The following SFXN5 variants were observed in gnomAD, a reference collection of about 807,000 sequenced individuals.
SFXN5 encodes sideroflexin 5.
SFXN5 carries 43 observed loss-of-function variants against 50.2 expected under a neutral mutation model. That is an observed-to-expected ratio of 0.86 (90% CI 0.67 to 1.11). SFXN5 has a LOEUF of 1.11. Ranked by LOEUF, SFXN5 falls within the 50% of genes least tolerant of loss-of-function variation. The pLI is 0.00. For missense variants in SFXN5, 463 were observed against 454.1 expected (o/e 1.02, Z -0.18); for synonymous variants, 203 against 185.8 (o/e 1.09, Z -0.75).
Position 72,968,433 on chromosome 2 carries a change from G to A in SFXN5, c.827+15C>T. 3.1e-6 allele frequency: 5 copies of A among 1,606,490 alleles called. No individual in the cohort carries two copies. Among genetic ancestry groups the A allele is most frequent in the Non-Finnish European group, 4.3e-6 (5 of 1,176,168 alleles). On this transcript the variant is annotated intron_variant, in intron 12 of 13. Coordinates refer to ENST00000272433, the MANE Select transcript of SFXN5 (RefSeq NM_144579.3). ...CCCCCATGGTGGCCTCTCCATCCTGGCTGCCCCAACTCACTTCTCCAGCAT... is the reference window on the plus strand; with the variant it reads ...CCCCCATGGTGGCCTCTCCATCCTGACTGCCCCAACTCACTTCTCCAGCAT...
intron 2 of SFXN5, among the ~76,000 whole-genome samples, chr2:73,047,319 G>GTA (rs199609733): frequency 0.35 from 34,368 of 98,914 alleles, 6,745 homozygotes; most frequent in East Asian, 0.57. Context: ...GTGTGTGTAT[G>GTA]TATATATATG....
chr2:72,971,695 G>T lies in SFXN5; in HGVS notation c.626-10C>A. 1 of 1,605,316 alleles carries T rather than the reference G, an allele frequency of 6.2e-7. No individual in the cohort carries two copies. Among genetic ancestry groups the T allele is most frequent in the Non-Finnish European group, 8.5e-7 (1 of 1,172,130 alleles). On this transcript the variant is annotated splice_polypyrimidine_tract_variant and intron_variant, in intron 10 of 13. Coordinates refer to ENST00000272433, the MANE Select transcript of SFXN5 (RefSeq NM_144579.3). Reference sequence around the variant, plus strand: ...CAGATATTGGCACTGGCTGCAGAGAGAGGGGATGCAGAGAGCAGGATGAGG... The same window carrying T: ...CAGATATTGGCACTGGCTGCAGAGATAGGGGATGCAGAGAGCAGGATGAGG...
intron 5 of SFXN5, 131 bp downstream of exon 5, chr2:73,022,391 A>AGGT (rs2105835001): frequency 1.4e-6 from 1 of 718,552 alleles, no homozygotes; most frequent in Admixed American, 2.0e-5. Flanking sequence ...GTGAATGTAG[A>AGGT]GGTGCAAATA....
chr2:73,020,976 G>A (rs1299532279), intron 5 of SFXN5: 1 of 152,274 alleles, frequency 6.6e-6, no homozygotes, highest in African/African-American at 2.4e-5. Context: ...AGCGGGATCG[G>A]GCTTATCTGA....
At position 72,973,598 on chromosome 2, in the gene SFXN5, G is replaced by A. The variant is rs1670278616; in HGVS notation, c.626-1913C>T. ...ATTAGGAAGCTGAATCCAAGGTAAAGGAGATCTGGTTAGCAGGGCATGACC... is the reference window on the plus strand; with the variant it reads ...ATTAGGAAGCTGAATCCAAGGTAAAAGAGATCTGGTTAGCAGGGCATGACC... On this transcript the variant is annotated intron_variant, in intron 10 of 13. Coordinates refer to ENST00000272433, the MANE Select transcript of SFXN5 (RefSeq NM_144579.3). This position sits in a 1 kb window ranked among gnomAD's most constrained non-coding sequence, Gnocchi z 5.5. Among the ~76,000 whole-genome samples the A allele has an allele frequency of 6.6e-6, 1 of 152,198 alleles. No individual in the cohort carries two copies. The highest frequency in any genetic ancestry group is 1.5e-5 in the Non-Finnish European group (1 of 68,032).
At chr2:73,002,767 T>A (rs886068626) in intron 6 of SFXN5, among the ~76,000 whole-genome samples, 2 of 152,182 alleles carry the variant, frequency 1.3e-5, no homozygotes, top group African/African-American at 2.4e-5. Flanking sequence ...CAACGAGGAA[T>A]TATGAGATTT....
Position 72,971,630 on chromosome 2 carries a change from C to T in SFXN5, c.681G>A (p.Gly227=), listed in dbSNP as rs1670000739. 4 of 1,614,098 alleles carry T rather than the reference C, an allele frequency of 2.5e-6. No individual in the cohort carries two copies. The highest frequency in any genetic ancestry group is 3.4e-6 in the Non-Finnish European group (4 of 1,179,986). Residue 227 remains glycine, a synonymous_variant, in exon 11 of 14, where the codon GGG becomes GGA. Transcript: ENST00000272433. ...TGCCATCGCTGTCCAGGACATCAAT[C>T]CCTTCCTCCAGCTCCCCGTACCGCA... ...VLMRYGELEE[G]IDVLDSDGNL...
chr2:72,963,515 C>A (rs1013019210), intron 12 of SFXN5, among the ~76,000 whole-genome samples: 1 of 146,928 alleles, frequency 6.8e-6, no homozygotes, highest in Non-Finnish European at 1.5e-5. Context: ...GGCCTGAGAG[C>A]GAACACAGTA....
chr2:72,998,791 T>A, intron 9 of SFXN5, 158 bp downstream of exon 9: 1 of 716,986 alleles, frequency 1.4e-6, no homozygotes, highest in Non-Finnish European at 2.3e-6. Flanking sequence ...TGGAGCCTCT[T>A]CTCGGCTTGG....
intron 9 of SFXN5, among the ~76,000 whole-genome samples, chr2:72,989,631 A>C (rs1285886800): frequency 6.6e-6 from 1 of 152,122 alleles, no homozygotes; most frequent in Non-Finnish European, 1.5e-5. Flanking sequence ...AGGAACCAAC[A>C]AACATACGAC....
At chr2:72,959,002 TGCTCTA>T (rs1053439157) in intron 13 of SFXN5, among the ~76,000 whole-genome samples, 1 of 152,118 alleles carries the variant, frequency 6.6e-6, no homozygotes, top group Admixed American at 6.5e-5. Context: ...CCCCTCCTCC[TGCTCTA>T]AGAGCCTGGG....
intron 10 of SFXN5, among the ~76,000 whole-genome samples, chr2:72,983,994 C>T (rs1671609226): frequency 6.6e-6 from 1 of 152,226 alleles, no homozygotes; most frequent in Non-Finnish European, 1.5e-5. Context: ...TGGCAGCAAC[C>T]ATACGTCAAT....
intron 9 of SFXN5, among the ~76,000 whole-genome samples, chr2:72,995,170 A>C (rs1157426552): frequency 6.6e-6 from 1 of 152,166 alleles, no homozygotes; most frequent in Non-Finnish European, 1.5e-5. Flanking sequence ...AATGTCTCTT[A>C]CTTCCTCTCA....
intron 10 of SFXN5, among the ~76,000 whole-genome samples, chr2:72,977,242 G>A (rs1429956320): frequency 6.6e-6 from 1 of 152,190 alleles, no homozygotes; most frequent in Non-Finnish European, 1.5e-5. Flanking sequence ...CACCCTGGAT[G>A]CCCCGCCTGA....
chr2:72,944,205 G>A lies in SFXN5; in HGVS notation c.*817C>T, dbSNP rs1671699683. ...CCGAAGAGGCCAAGTGCAGGTCCAT[G>A]GTTCCTGCCAAGCACCATTCCTTCT... is the stretch of plus-strand genomic sequence containing the variant. On this transcript the variant is annotated 3_prime_UTR_variant, in exon 14 of 14. Transcript: ENST00000272433. 6.6e-6 allele frequency: 1 copy of A among 152,292 alleles called. No individual in the cohort carries two copies. The highest frequency in any genetic ancestry group is 1.5e-5 in the Non-Finnish European group (1 of 68,110). 9.4% of individuals were successfully genotyped at this position (152,292 alleles called of 1,614,324 possible).
chr2:72,982,138 G>T (rs1671385128), intron 10 of SFXN5, among the ~76,000 whole-genome samples: 1 of 152,150 alleles, frequency 6.6e-6, no homozygotes, highest in Non-Finnish European at 1.5e-5. Flanking sequence ...CTCATGCTAC[G>T]CTGGGAAATT....
At chr2:73,010,888 A>G (rs1675418061) in intron 6 of SFXN5, among the ~76,000 whole-genome samples, 1 of 152,262 alleles carries the variant, frequency 6.6e-6, no homozygotes, top group South Asian at 2.1e-4. Flanking sequence ...TTTTAGATAT[A>G]TTCAGAGGCA....
At chr2:73,018,497 C>T (rs925774674) in intron 6 of SFXN5, among the ~76,000 whole-genome samples, 4 of 152,050 alleles carry the variant, frequency 2.6e-5, no homozygotes, top group South Asian at 4.2e-4. Flanking sequence ...TATCTAAATA[C>T]TGATAGTTTT....
intron 6 of SFXN5, among the ~76,000 whole-genome samples, chr2:73,012,889 T>C (rs1460789512): frequency 6.6e-6 from 1 of 152,094 alleles, no homozygotes; most frequent in African/African-American, 2.4e-5. Flanking sequence ...AAGTCATATT[T>C]ATTATTTGAC....
Sources: gnomAD v4.1 joint callset for allele counts (sites outside exome capture counted in the v4.1 genomes callset) on GRCh38, gnomAD v4.1.1 for gene constraint, Gnocchi (gnomAD v3.1) non-coding constraint, MANE v1.5 for transcripts, NCBI Gene and HGNC (gene_info 2026-07-23, HGNC 2026-07-21) for gene names.